Variants in CCDC73 observed in about 807,000 individuals in gnomAD.
The protein encoded by CCDC73 is coiled-coil domain-containing protein 73.
In CCDC73, 95 loss-of-function variants were observed where a neutral mutation model predicts 116.5. The observed-to-expected ratio is 0.82, with a 90% CI of 0.69 to 0.97. The LOEUF (loss-of-function observed/expected upper bound fraction) is 0.97. Ranked by LOEUF, CCDC73 falls within the 50% of genes least tolerant of loss-of-function variation. The probability of loss-of-function intolerance (pLI) is 0.00; values close to 1 mark genes in which losing one functional copy is unlikely to be tolerated. For missense variants in CCDC73, 1,066 were observed against 1,206.8 expected, an observed-to-expected ratio of 0.88 and a Z score of 1.73; for synonymous variants, 398 against 401.3, an observed-to-expected ratio of 0.99 and a Z score of 0.10.
Position 32,655,577 on chromosome 11 carries a change from T to C in CCDC73, c.646-605A>G, listed in dbSNP as rs546355432. Among the ~76,000 whole-genome samples the C allele has an allele frequency of 4.6e-5, 7 of 152,296 alleles. No homozygotes were observed. The South Asian group carries it at 1.2e-3, about 27-fold the overall frequency. On this transcript the variant is annotated intron_variant, in intron 9 of 17. Transcript: ENST00000335185. ...TTTCAGGGAAACAGAACTAATAAGA[T>C]ATGACTGGAGCTAATGTGTTATTTC...
intron 6 of CCDC73, among the ~76,000 whole-genome samples, chr11:32,684,332 T>A (rs1856174662): frequency 6.6e-6 from 1 of 152,092 alleles, no homozygotes; most frequent in Non-Finnish European, 1.5e-5. Flanking sequence ...AGATTACAGG[T>A]GTAAGCCACC....
chr11:32,813,038 A>T, the CCDC73 span, among the ~76,000 whole-genome samples: 2 of 152,144 alleles, frequency 1.3e-5, no homozygotes, highest in African/African-American at 4.8e-5. Flanking sequence ...TTTTCCTCTG[A>T]ATATTTTAAT....
rs151107354 is a variant in CCDC73, at chr11:32,692,976, G to A, written c.390+6275C>T. 4.4e-3 allele frequency among the ~76,000 whole-genome samples: 666 copies of A among 152,288 alleles called. 11 individuals carry two copies. Among genetic ancestry groups the A allele is most frequent in the African/African-American group, 0.015 (630 of 41,568 alleles). Reference sequence around the variant, plus strand: ...ATGTAAGAAGGTTGCCCTGCTCCAAGCCCATCCCTTTGAAATGAACTAACA... The same window carrying A: ...ATGTAAGAAGGTTGCCCTGCTCCAAACCCATCCCTTTGAAATGAACTAACA... On this transcript the variant is annotated intron_variant, in intron 6 of 17. Transcript: ENST00000335185.
chr11:32,655,095 C>CAATTA, intron 9 of CCDC73, 123 bp from the exon 10 acceptor site: 1 of 474,284 alleles, frequency 2.1e-6, no homozygotes, highest in African/African-American at 4.3e-5. Flanking sequence ...AATTCCCTTG[C>CAATTA]AAGTTCCCTT....
chr11:32,736,705 T>A (rs1257537420), intron 2 of CCDC73, among the ~76,000 whole-genome samples: 1 of 151,846 alleles, frequency 6.6e-6, no homozygotes, highest in East Asian at 1.9e-4. Context: ...TAAAGACACA[T>A]GCACACGTAT....
At chr11:32,816,566 A>G in the CCDC73 span, among the ~76,000 whole-genome samples, 1,098 of 152,238 alleles carry the variant, frequency 7.2e-3, 16 homozygotes, top group African/African-American at 0.025. Context: ...AGTGAAAGAG[A>G]GAAGAAAAGA....
intron 3 of CCDC73, among the ~76,000 whole-genome samples, chr11:32,705,120 T>C (rs1849844749): frequency 1.3e-5 from 2 of 152,156 alleles, no homozygotes; most frequent in African/African-American, 2.4e-5. Flanking sequence ...GGCCGCACCA[T>C]TCAACGGGAA....
the CCDC73 span, among the ~76,000 whole-genome samples, chr11:32,808,996 A>G: frequency 6.6e-6 from 1 of 152,230 alleles, no homozygotes; most frequent in Admixed American, 6.5e-5. Flanking sequence ...TATAATAGAT[A>G]GAATTCCATT....
In CCDC73 at chr11:32,642,102, C is replaced by G; in HGVS notation, c.940-20G>C. ...AAGGGTCTGCAATAAAATTAATTATCCAAAAAATAATCAATACCACATTAA... is the reference window on the plus strand; with the variant it reads ...AAGGGTCTGCAATAAAATTAATTATGCAAAAAATAATCAATACCACATTAA... On this transcript the variant is annotated intron_variant, in intron 12 of 17. Coordinates refer to ENST00000335185, the MANE Select transcript of CCDC73 (RefSeq NM_001008391.4). 1.3e-6 allele frequency: 2 copies of G among 1,510,204 alleles called. No homozygotes were observed. The highest frequency in any genetic ancestry group is 1.8e-6 in the Non-Finnish European group (2 of 1,132,000). 93.6% of individuals were successfully genotyped at this position (1,510,204 alleles called of 1,614,324 possible).
intron 3 of CCDC73, among the ~76,000 whole-genome samples, chr11:32,704,535 C>T (rs1007095057): frequency 2.0e-5 from 3 of 152,200 alleles, no homozygotes; most frequent in African/African-American, 7.2e-5. Context: ...CGCGGGCCCA[C>T]AGGTGCCCCT....
Position 32,630,936 on chromosome 11 carries a change from A to G in CCDC73, c.1185+4760T>C, listed in dbSNP as rs576887070. ...GATGAAATAGCTATATTATTATCAG[A>G]CAAAACACACCTTAAGACAAGAGAT... On this transcript the variant is annotated intron_variant, in intron 14 of 17. Coordinates refer to ENST00000335185, the MANE Select transcript of CCDC73 (RefSeq NM_001008391.4). 3.9e-5 allele frequency among the ~76,000 whole-genome samples: 6 copies of G among 152,336 alleles called. No individual in the cohort carries two copies. The South Asian group carries it at 1.2e-3, about 32-fold the overall frequency.
chr11:32,804,292 C>T, the CCDC73 span, among the ~76,000 whole-genome samples: 1 of 152,182 alleles, frequency 6.6e-6, no homozygotes, highest in Non-Finnish European at 1.5e-5. Flanking sequence ...GCGCACACCA[C>T]AACGCTCCGC....
rs115218828 is a variant in CCDC73 at position 32,705,086 on chromosome 11, T to A, written c.208-2142A>T. 3.5e-3 allele frequency among the ~76,000 whole-genome samples: 538 copies of A among 152,326 alleles called. 6 individuals are homozygous for A. The highest frequency in any genetic ancestry group is 0.012 in the African/African-American group (519 of 41,568). On this transcript the variant is annotated intron_variant, in intron 3 of 17. Coordinates refer to ENST00000335185, the MANE Select transcript of CCDC73 (RefSeq NM_001008391.4). Reference sequence around the variant, plus strand: ...TAAAGGGGCTGTAACGCTATAGCTCTCCCAGCCTCTGCCAGTGCTGGGTGG... The same window carrying A: ...TAAAGGGGCTGTAACGCTATAGCTCACCCAGCCTCTGCCAGTGCTGGGTGG...
chr11:32,679,039 ATATAT>A (rs1407090479), intron 7 of CCDC73, among the ~76,000 whole-genome samples: 1 of 152,150 alleles, frequency 6.6e-6, no homozygotes, highest in Non-Finnish European at 1.5e-5. Flanking sequence ...TTTAAACATG[ATATAT>A]TATTGGTAAT....
At position 32,613,644 on chromosome 11, in the gene CCDC73, C is replaced by G. The variant is rs774347046; in HGVS notation, c.2674G>C (p.Asp892His). The G allele has an allele frequency of 1.9e-6, 3 of 1,613,974 alleles. No homozygotes were observed. ...GRSTFDLSTS[D>H]KKTEKTPVYM... is the part of the protein sequence containing the mutation. ...ACTGGAGTTTTCTCAGTTTTTTTAT[C>G]TGAAGTTGAAAGATCAAAGGTTGAC... The change falls in exon 16 of 18, where the codon GAT becomes CAT. Residue 892 changes from aspartate (D) to histidine (H), a missense_variant. Physicochemically the swap from Asp to His is moderately conservative, Grantham distance 81. Coordinates refer to ENST00000335185, the MANE Select transcript of CCDC73 (RefSeq NM_001008391.4).
chr11:32,742,570 G>C (rs952125674), intron 2 of CCDC73, among the ~76,000 whole-genome samples: 1 of 152,144 alleles, frequency 6.6e-6, no homozygotes, highest in African/African-American at 2.4e-5. Context: ...TTTGTCAGAT[G>C]AGTAGATTGC....
At chr11:32,611,047 A>G (rs1565055377) in intron 17 of CCDC73, 85 bp downstream of exon 17, 12 of 1,302,952 alleles carry the variant, frequency 9.2e-6, no homozygotes, top group Non-Finnish European at 1.3e-5. Context: ...GTTAGGTCTT[A>G]AAGCATCCAG....
Position 32,760,218 on chromosome 11 carries a change from G to C in CCDC73, c.26C>G (p.Ser9Ter). The C allele has an allele frequency of 6.3e-7, 1 of 1,580,536 alleles. No homozygotes were observed. Among genetic ancestry groups the C allele is most frequent in the Non-Finnish European group, 8.6e-7 (1 of 1,158,028 alleles). ...ACTTTGAAGAGTAAAAGTAGATGAT[G>C]ACTCAGTATTGAAGTTGCTTTCCAT... MESNFNTE[S>*]SSTFTLQSSS... Residue 9 changes from serine (S) to a stop codon, truncating the protein, a stop_gained, in exon 2 of 18, where the codon TCA becomes TGA. Coordinates refer to ENST00000335185, the MANE Select transcript of CCDC73 (RefSeq NM_001008391.4). LOFTEE classifies it high-confidence loss of function.
At chr11:32,758,079 C>A (rs891485049) in intron 2 of CCDC73, among the ~76,000 whole-genome samples, 1 of 152,120 alleles carries the variant, frequency 6.6e-6, no homozygotes, top group Non-Finnish European at 1.5e-5. Context: ...AGGTCAAGTA[C>A]CGCCATCAGG....
Sources: allele counts gnomAD v4.1 joint callset (sites outside exome capture counted in the v4.1 genomes callset), GRCh38; gene constraint gnomAD v4.1.1; transcripts MANE v1.5; gene names NCBI Gene and HGNC (gene_info 2026-07-23, HGNC 2026-07-21).